The following THSD7B variants were observed in gnomAD, a reference collection of about 807,000 sequenced individuals.
The protein encoded by THSD7B is thrombospondin type 1 domain containing 7B.
Under a neutral mutation model 213.6 loss-of-function variants are expected in THSD7B, and 138 were observed. The observed-to-expected ratio is 0.65, with a 90% CI of 0.56 to 0.74. The LOEUF is 0.74. Ranked by LOEUF, THSD7B falls within the 30% of genes least tolerant of loss-of-function variation. The pLI is 0.00. For missense variants in THSD7B, 1,931 were observed against 1,991.5 expected (o/e 0.97, Z 0.58); for synonymous variants, 742 against 687.0 (o/e 1.08, Z -1.25).
At chr2:137,066,544 G>A (rs1053993194) in intron 3 of THSD7B, among the ~76,000 whole-genome samples, 3 of 152,100 alleles carry the variant, frequency 2.0e-5, no homozygotes, top group African/African-American at 7.2e-5. Flanking sequence ...TTTGTGAACA[G>A]AAGTCTGATG....
At chr2:137,503,328 C>CA in intron 15 of THSD7B, among the ~76,000 whole-genome samples, 1 of 152,256 alleles carries the variant, frequency 6.6e-6, no homozygotes, top group Admixed American at 6.5e-5. Context: ...ACATTCCTCA[C>CA]AAAAAAGTCT....
intron 5 of THSD7B, among the ~76,000 whole-genome samples, chr2:137,144,658 TA>T (rs1350524684): frequency 1.3e-5 from 2 of 152,052 alleles, no homozygotes; most frequent in Non-Finnish European, 2.9e-5. Flanking sequence ...AACACACTAA[TA>T]ATGACTATCT....
intron 26 of THSD7B, among the ~76,000 whole-genome samples, chr2:137,667,193 G>C (rs1362293341): frequency 2.0e-5 from 3 of 152,068 alleles, no homozygotes; most frequent in Admixed American, 6.6e-5. Context: ...TGGATTTTAT[G>C]AACTAATGAT....
At chr2:137,037,843 T>A (rs1473761156) in intron 2 of THSD7B, among the ~76,000 whole-genome samples, 1 of 152,160 alleles carries the variant, frequency 6.6e-6, no homozygotes, top group Non-Finnish European at 1.5e-5. Context: ...ACATTAAAAA[T>A]AACTTTTATG....
At chr2:137,659,570 A>G in intron 24 of THSD7B, 94 bp from the exon 25 acceptor site, 1 of 1,139,582 alleles carries the variant, frequency 8.8e-7, no homozygotes, top group Non-Finnish European at 1.2e-6. Flanking sequence ...ATACTGTTGC[A>G]AAGAGGCCGG....
intron 15 of THSD7B, among the ~76,000 whole-genome samples, chr2:137,498,330 A>G (rs1679619753): frequency 9.7e-6 from 1 of 103,126 alleles, no homozygotes; most frequent in Non-Finnish European, 2.4e-5. Flanking sequence ...GAGGGACAGT[A>G]AAGTCTTTTT....
intron 1 of THSD7B, among the ~76,000 whole-genome samples, chr2:136,865,185 G>A (rs1683315186): frequency 6.6e-6 from 1 of 152,180 alleles, no homozygotes; most frequent in African/African-American, 2.4e-5. Flanking sequence ...CCTCTTGGAG[G>A]CATGTCCAGA....
rs187187531 is a variant in THSD7B, at chr2:136,945,307, G to A, written c.139+62990G>A. ...TGTGCATGTGTCACTTGGTTCTTGC[G>A]CCATGGTTGTAGAGTTTCTGCCAAG... On this transcript the variant is annotated intron_variant, in intron 2 of 27. Coordinates refer to ENST00000409968, the MANE Select transcript of THSD7B (RefSeq NM_001316349.2). Among the ~76,000 whole-genome samples the A allele has an allele frequency of 1.5e-4, 23 of 151,978 alleles. No individual in the cohort carries two copies. The East Asian group carries it at 4.1e-3, about 27-fold the overall frequency.
chr2:136,818,063 C>G (rs1338122955), intron 1 of THSD7B, among the ~76,000 whole-genome samples: 1 of 146,070 alleles, frequency 6.8e-6, no homozygotes, highest in Non-Finnish European at 1.5e-5. Flanking sequence ...ACCCAAAGGA[C>G]TATAAATCAT....
chr2:137,078,009 G>GCA (rs1687666864), intron 3 of THSD7B, among the ~76,000 whole-genome samples: 1 of 152,184 alleles, frequency 6.6e-6, no homozygotes, highest in South Asian at 2.1e-4. Context: ...TGTATAAGAT[G>GCA]TAAGGAAGGG....
chr2:137,565,064 A>C (rs1478243910), intron 16 of THSD7B, among the ~76,000 whole-genome samples: 1 of 152,128 alleles, frequency 6.6e-6, no homozygotes, highest in African/African-American at 2.4e-5. Flanking sequence ...AGGAAAGACC[A>C]TGTGAAGACA....
At chr2:137,666,408 A>C (rs1358840987) in intron 26 of THSD7B, among the ~76,000 whole-genome samples, 1 of 152,108 alleles carries the variant, frequency 6.6e-6, no homozygotes, top group Non-Finnish European at 1.5e-5. Context: ...ATTGAACCTC[A>C]TTCTAAAATC....
At chr2:136,877,595 G>A (rs1683545529) in intron 1 of THSD7B, among the ~76,000 whole-genome samples, 2 of 152,162 alleles carry the variant, frequency 1.3e-5, no homozygotes, top group African/African-American at 4.8e-5. Flanking sequence ...TCAGAGAGCT[G>A]TGTACTGGAA....
At chr2:137,605,066 G>A (rs566307419) in intron 17 of THSD7B, among the ~76,000 whole-genome samples, 1 of 152,224 alleles carries the variant, frequency 6.6e-6, no homozygotes, top group Admixed American at 6.5e-5. Context: ...TCTATAGAGA[G>A]CATCTTCTCA....
At position 137,389,402 on chromosome 2, in the gene THSD7B, A is replaced by ATTTTTTT. The variant is rs70978214; in HGVS notation, c.2501-16190_2501-16184dup. 1.6e-3 allele frequency among the ~76,000 whole-genome samples: 60 copies of ATTTTTTT among 38,084 alleles called. 2 individuals carry two copies. Among genetic ancestry groups the ATTTTTTT allele is most frequent in the East Asian group, 2.2e-3 (2 of 918 alleles). The allele number at this position is 38,084 out of a possible 152,430, so 25.0% of individuals were successfully genotyped here. On this transcript the variant is annotated intron_variant, in intron 12 of 27. Coordinates refer to ENST00000409968, the MANE Select transcript of THSD7B (RefSeq NM_001316349.2). ...GATAGTTTGACCACTTCTTAATGTG[A>ATTTTTTT]TTTTTTTTTTTTTTTTTTTTTTTTT...
Position 137,623,464 on chromosome 2 carries a change from G to A in THSD7B, c.3799+2738G>A, listed in dbSNP as rs1480579067. The stretch of plus-strand genomic sequence containing the variant: ...CACCACTCCTATTCAACATAGTGTT[G>A]GAAGTTCTGGCCAGGGCAATTAGGC... On this transcript the variant is annotated intron_variant, in intron 20 of 27. Coordinates refer to ENST00000409968, the MANE Select transcript of THSD7B (RefSeq NM_001316349.2). Among the ~76,000 whole-genome samples, 4 of 152,266 alleles carry A rather than the reference G, an allele frequency of 2.6e-5. No individual in the cohort carries two copies. The East Asian group carries it at 7.7e-4, about 29-fold the overall frequency.
At chr2:136,850,994 G>A (rs909026618) in intron 1 of THSD7B, among the ~76,000 whole-genome samples, 1 of 151,928 alleles carries the variant, frequency 6.6e-6, no homozygotes, top group Non-Finnish European at 1.5e-5. Context: ...ATTGCTGCAC[G>A]ATTTTTTGTT....
At chr2:136,917,656 G>T (rs1306641885) in intron 2 of THSD7B, among the ~76,000 whole-genome samples, 1 of 152,172 alleles carries the variant, frequency 6.6e-6, no homozygotes, top group Admixed American at 6.5e-5. Flanking sequence ...CACAGATGAG[G>T]CCTGTGTATG....
In THSD7B at chr2:136,940,740, A is replaced by AT. The variant is rs1367755607; in HGVS notation, c.139+58424dup. Among the ~76,000 whole-genome samples the AT allele has an allele frequency of 9.9e-4, 139 of 140,466 alleles. 1 individual carries two copies. Among genetic ancestry groups the AT allele is most frequent in the African/African-American group, 3.5e-3 (130 of 37,258 alleles). The allele number at this position is 140,466 out of a possible 152,430, so 92.2% of individuals were successfully genotyped here. A position where few individuals can be genotyped will look rare whatever the true frequency, so the allele number is the denominator to read the frequency against. ...ATATATATATATAATATATATATAT[A>AT]TATTTTTTCTTATTCCCATTCTTAG... is the stretch of plus-strand genomic sequence containing the variant. On this transcript the variant is annotated intron_variant, in intron 2 of 27. Coordinates refer to ENST00000409968, the MANE Select transcript of THSD7B (RefSeq NM_001316349.2).
Sources: gnomAD v4.1 joint callset for allele counts (sites outside exome capture counted in the v4.1 genomes callset) on GRCh38, gnomAD v4.1.1 for gene constraint, MANE v1.5 for transcripts, NCBI Gene and HGNC (gene_info 2026-07-23, HGNC 2026-07-21) for gene names.